Variants in SUMF1 observed in about 807,000 individuals in gnomAD.
The protein encoded by SUMF1 is formylglycine-generating enzyme.
SUMF1 carries 48 observed loss-of-function variants against 47.6 expected under a neutral mutation model. The ratio of observed to expected loss-of-function variants is 1.01; its 90% CI spans 0.80 to 1.28. The LOEUF (loss-of-function observed/expected upper bound fraction) is 1.28. SUMF1 is among the 50% of genes most tolerant of loss of function. The pLI is 0.00. For synonymous variants in SUMF1, 230 were observed against 192.1 expected (o/e 1.20, Z -1.63); for missense variants, 571 against 485.4 (o/e 1.18, Z -1.66).
intron 7 of SUMF1, among the ~76,000 whole-genome samples, chr3:4,396,612 G>C (rs1048376880): frequency 6.6e-6 from 1 of 152,088 alleles, no homozygotes; most frequent in Non-Finnish European, 1.5e-5. Context: ...GTGGACACAT[G>C]TCCAAATCCT....
At chr3:4,123,362 C>T (rs1313908777) in intron 8 of SUMF1, among the ~76,000 whole-genome samples, 1 of 152,128 alleles carries the variant, frequency 6.6e-6, no homozygotes, top group African/African-American at 2.4e-5. Flanking sequence ...ATATTCTGCA[C>T]ACAGTGAACA....
chr3:4,363,233 A>C (rs1298864698), intron 8 of SUMF1, among the ~76,000 whole-genome samples: 1 of 152,154 alleles, frequency 6.6e-6, no homozygotes, highest in African/African-American at 2.4e-5. Flanking sequence ...TATTTATGAT[A>C]TTATTTATTA....
intron 8 of SUMF1, among the ~76,000 whole-genome samples, chr3:4,233,531 T>A (rs905528130): frequency 2.6e-5 from 4 of 152,160 alleles, no homozygotes; most frequent in Admixed American, 6.6e-5. Flanking sequence ...TTGGTGTGTG[T>A]GGTTTTTTAA....
chr3:4,150,504 G>A (rs1694294113), intron 8 of SUMF1, among the ~76,000 whole-genome samples: 1 of 150,598 alleles, frequency 6.6e-6, no homozygotes, highest in Non-Finnish European at 1.5e-5. Context: ...GGAGGTTGCA[G>A]TGAGCTGAGA....
intron 8 of SUMF1, among the ~76,000 whole-genome samples, chr3:4,182,026 A>C (rs545546795): frequency 1.3e-5 from 2 of 152,286 alleles, no homozygotes; most frequent in East Asian, 1.9e-4. Context: ...TCGATTTGTA[A>C]CTTCGAAATA....
At chr3:4,058,634 TTCC>T (rs1695229608) in intron 9 of SUMF1, among the ~76,000 whole-genome samples, 1 of 152,002 alleles carries the variant, frequency 6.6e-6, no homozygotes, top group East Asian at 1.9e-4. Context: ...AGGAGATGAG[TTCC>T]TCAAGATAAT....
At chr3:4,455,717 AAATAAT>A (rs147483904) in intron 1 of SUMF1, among the ~76,000 whole-genome samples, 1 of 151,532 alleles carries the variant, frequency 6.6e-6, no homozygotes, top group Admixed American at 6.6e-5. Flanking sequence ...ACTCCGTTTC[AAATAAT>A]AATAATAATA....
At chr3:4,178,116 A>G (rs1381410401) in intron 8 of SUMF1, among the ~76,000 whole-genome samples, 1 of 152,190 alleles carries the variant, frequency 6.6e-6, no homozygotes, top group Non-Finnish European at 1.5e-5. Flanking sequence ...AGAGGTACAA[A>G]GAGGAGTTAG....
chr3:4,176,764 A>C (rs1299293673), intron 8 of SUMF1, among the ~76,000 whole-genome samples: 1 of 152,164 alleles, frequency 6.6e-6, no homozygotes, highest in Non-Finnish European at 1.5e-5. Context: ...AAGAGTCAAG[A>C]CCCATCAGAG....
In SUMF1 at chr3:4,137,340, G is replaced by A. The variant is rs966346126; in HGVS notation, c.1015-68595C>T. Among the ~76,000 whole-genome samples, 4 of 152,116 alleles carry A rather than the reference G, an allele frequency of 2.6e-5. 1 individual carries two copies. The highest frequency in any genetic ancestry group is 2.1e-4 in the South Asian group (1 of 4,818). On this transcript the variant is annotated intron_variant and NMD_transcript_variant, in intron 8 of 12. Transcript: ENST00000448413. ...CTTTGTAGGGACATGGATGAAGCTGGAAACCATCATTCTCAGCAAACTATT... is the reference window on the plus strand; with the variant it reads ...CTTTGTAGGGACATGGATGAAGCTGAAAACCATCATTCTCAGCAAACTATT...
chr3:4,191,937 T>C (rs1362864846), intron 8 of SUMF1, among the ~76,000 whole-genome samples: 2 of 152,174 alleles, frequency 1.3e-5, no homozygotes, highest in African/African-American at 2.4e-5. Flanking sequence ...AGATTAATTC[T>C]GTGAGAAGAG....
In SUMF1 at chr3:4,304,284, G is replaced by C. The variant is rs530771144; in HGVS notation, c.1014+72046C>G. On this transcript the variant is annotated intron_variant and NMD_transcript_variant, in intron 8 of 12. Coordinates refer to the SUMF1 transcript ENST00000448413. Reference sequence around the variant, plus strand: ...AGCCTCCCGAGTAGCTGGGATTACAGGCATGGGCCACCACGCCCGGCTAAT... The same window carrying C: ...AGCCTCCCGAGTAGCTGGGATTACACGCATGGGCCACCACGCCCGGCTAAT... 2.6e-5 allele frequency among the ~76,000 whole-genome samples: 4 copies of C among 152,320 alleles called. No homozygotes were observed. In the South Asian group the frequency reaches 8.3e-4, roughly 32 times the overall value.
chr3:4,084,527 A>C (rs940984201), intron 8 of SUMF1, among the ~76,000 whole-genome samples: 9 of 152,118 alleles, frequency 5.9e-5, no homozygotes, highest in African/African-American at 2.2e-4. Flanking sequence ...GAAGAAAATT[A>C]CTTGATTAGT....
At chr3:4,435,844 A>G (rs1303412613) in intron 3 of SUMF1, among the ~76,000 whole-genome samples, 3 of 152,248 alleles carry the variant, frequency 2.0e-5, no homozygotes, top group African/African-American at 7.2e-5. Context: ...CATTACCATA[A>G]GGCTTACTCT....
chr3:4,349,239 T>C (rs1247106884), intron 8 of SUMF1, among the ~76,000 whole-genome samples: 1 of 152,120 alleles, frequency 6.6e-6, no homozygotes, highest in Non-Finnish European at 1.5e-5. Flanking sequence ...AATGGACATA[T>C]GAAAAAAAGC....
chr3:4,059,602 T>C (rs1169548006), intron 9 of SUMF1, among the ~76,000 whole-genome samples: 1 of 152,154 alleles, frequency 6.6e-6, no homozygotes, highest in African/African-American at 2.4e-5. Flanking sequence ...ATTCAACAAA[T>C]TTGTATTCAT....
At chr3:4,449,183 G>A in intron 3 of SUMF1, 83 bp downstream of exon 3, 2 of 1,421,534 alleles carry the variant, frequency 1.4e-6, no homozygotes, top group Middle Eastern at 1.8e-4. Context: ...AGAGGAAGGT[G>A]ACACATGTGG....
At chr3:4,289,990 A>C (rs1158686500) in intron 8 of SUMF1, among the ~76,000 whole-genome samples, 2 of 152,258 alleles carry the variant, frequency 1.3e-5, no homozygotes, top group Non-Finnish European at 2.9e-5. Flanking sequence ...AGATCTAGAT[A>C]TGAGATCCAG....
At chr3:4,236,094 TCAC>T (rs1696402758) in intron 8 of SUMF1, among the ~76,000 whole-genome samples, 1 of 152,060 alleles carries the variant, frequency 6.6e-6, no homozygotes, top group Admixed American at 6.6e-5. Flanking sequence ...CAGGCATGCA[TCAC>T]CACATCTTGC....
Sources: gnomAD v4.1 joint callset for allele counts (sites outside exome capture counted in the v4.1 genomes callset) on GRCh38, gnomAD v4.1.1 for gene constraint, MANE v1.5 for transcripts, NCBI Gene and HGNC (gene_info 2026-07-23, HGNC 2026-07-21) for gene names.